The following MYO3A variants were observed in gnomAD, a reference collection of about 807,000 sequenced individuals.
MYO3A encodes myosin-IIIa.
MYO3A carries 180 observed loss-of-function variants against 192.7 expected under a neutral mutation model. The ratio of observed to expected loss-of-function variants is 0.93; its 90% CI spans 0.83 to 1.06. The LOEUF (loss-of-function observed/expected upper bound fraction) is 1.06, where lower values mean the gene tolerates loss of function less well. Ranked by LOEUF, MYO3A falls within the 50% of genes least tolerant of loss-of-function variation. The pLI is 0.00. For synonymous variants in MYO3A, 628 were observed against 645.3 expected (o/e 0.97, Z 0.41); for missense variants, 1,896 against 1,905.0 (o/e 1.00, Z 0.09).
rs183389603 is a variant in MYO3A, at chr10:26,078,517, C to A, written c.1359+8116C>A. Among the ~76,000 whole-genome samples, 1,314 of 151,844 alleles carry A rather than the reference C, an allele frequency of 8.7e-3. 42 individuals are homozygous for A. The highest frequency in any genetic ancestry group is 0.064 in the Admixed American group (970 of 15,260). On this transcript the variant is annotated intron_variant, in intron 14 of 34. Coordinates refer to ENST00000642920, the MANE Select transcript of MYO3A (RefSeq NM_017433.5). ...TTTGTTTCAATTTCATTTAGTTCTG[C>A]CCTGATCTTGGTTATTTCCTTTCTT...
intron 4 of MYO3A, among the ~76,000 whole-genome samples, chr10:25,963,673 C>T (rs1838081501): frequency 6.6e-6 from 1 of 152,128 alleles, no homozygotes; most frequent in Non-Finnish European, 1.5e-5. Flanking sequence ...TGATTCCTTT[C>T]ATGTTCTTAA....
intron 4 of MYO3A, among the ~76,000 whole-genome samples, chr10:25,972,656 A>G (rs936788581): frequency 1.8e-4 from 27 of 152,286 alleles, no homozygotes; most frequent in Admixed American, 1.5e-3. Context: ...TATTTTCCCC[A>G]TCTATGAAGC....
intron 32 of MYO3A, among the ~76,000 whole-genome samples, chr10:26,196,155 A>G (rs1299521275): frequency 6.6e-6 from 1 of 152,270 alleles, no homozygotes; most frequent in Non-Finnish European, 1.5e-5. Context: ...AATTAAATAG[A>G]ACAGCAGAAA....
At chr10:25,977,193 G>C (rs1839012938) in intron 4 of MYO3A, among the ~76,000 whole-genome samples, 1 of 152,176 alleles carries the variant, frequency 6.6e-6, no homozygotes, top group Admixed American at 6.5e-5. Context: ...GTGGTGTATT[G>C]ATATTTAGTT....
chr10:26,150,107 G>A (rs185908469), intron 23 of MYO3A, among the ~76,000 whole-genome samples: 5 of 152,052 alleles, frequency 3.3e-5, no homozygotes, highest in African/African-American at 1.2e-4. Context: ...CACCTGGGTT[G>A]ATCATATCTT....
chr10:26,105,579 T>C (rs1382724874), intron 17 of MYO3A, among the ~76,000 whole-genome samples: 1 of 152,136 alleles, frequency 6.6e-6, no homozygotes, highest in African/African-American at 2.4e-5. Context: ...TAAGGGCTCA[T>C]TGAATATTAT....
chr10:26,067,684 T>TG (rs2131375100), intron 11 of MYO3A, among the ~76,000 whole-genome samples: 1 of 151,768 alleles, frequency 6.6e-6, no homozygotes, highest in Admixed American at 6.6e-5. Flanking sequence ...TTTCAAACAT[T>TG]TTTGTGAAGG....
At chr10:26,116,861 A>G (rs1838538302) in intron 17 of MYO3A, among the ~76,000 whole-genome samples, 2 of 152,162 alleles carry the variant, frequency 1.3e-5, no homozygotes, top group Non-Finnish European at 2.9e-5. Flanking sequence ...CATTTGTAAC[A>G]ACCAAAAATG....
At chr10:25,964,981 C>A (rs1341005170) in intron 4 of MYO3A, among the ~76,000 whole-genome samples, 2 of 152,170 alleles carry the variant, frequency 1.3e-5, no homozygotes, top group African/African-American at 4.8e-5. Context: ...AAGTATTGAA[C>A]CTCATTGTAT....
chr10:26,149,379 C>T (rs911118384), intron 23 of MYO3A, among the ~76,000 whole-genome samples: 2 of 151,926 alleles, frequency 1.3e-5, no homozygotes, highest in Non-Finnish European at 2.9e-5. Context: ...GGATTACAGG[C>T]GTGCACCACC....
In MYO3A at chr10:26,157,343, G is replaced by A; in HGVS notation, c.2827G>A (p.Val943Met). 1 of 1,614,088 alleles carries A rather than the reference G, an allele frequency of 6.2e-7. No individual in the cohort carries two copies. Among genetic ancestry groups the A allele is most frequent in the Non-Finnish European group, 8.5e-7 (1 of 1,179,990 alleles). Residue 943 changes from valine to methionine, a missense_variant, in exon 26 of 35, where the codon GTG becomes ATG. Physicochemically the swap from Val to Met is conservative, Grantham distance 21 (BLOSUM62 1). Coordinates refer to ENST00000642920, the MANE Select transcript of MYO3A (RefSeq NM_017433.5). ...GATGGATTTGTTGTCTAAAATGGTGGTGGGCCAACCTCATTTTGTCCGTTG... is the reference window on the plus strand; with the variant it reads ...GATGGATTTGTTGTCTAAAATGGTGATGGGCCAACCTCATTTTGTCCGTTG... ...SLMDLLSKMV[V>M]GQPHFVRCIK...
chr10:26,009,973 C>T (rs187774281), intron 6 of MYO3A, among the ~76,000 whole-genome samples: 144 of 152,188 alleles, frequency 9.5e-4, no homozygotes, highest in African/African-American at 3.4e-3. Context: ...GAGAAGTATG[C>T]TGTATACTCT....
In MYO3A at chr10:26,070,141, A is replaced by G. The variant is rs79392471; in HGVS notation, c.1201A>G (p.Thr401Ala). 1 of 1,611,828 alleles carries G rather than the reference A, an allele frequency of 6.2e-7. No individual in the cohort carries two copies. The highest frequency in any genetic ancestry group is 1.1e-5 in the South Asian group (1 of 91,002). Residue 401 changes from threonine (T) to alanine (A), a missense_variant, in exon 13 of 35, where the codon ACT (threonine) becomes GCT (alanine). Coordinates refer to ENST00000642920, the MANE Select transcript of MYO3A (RefSeq NM_017433.5). The part of the protein sequence containing the change: ...HSKLYIGSKR[T>A]ASPPHIFAMA... Reference sequence around the variant, plus strand: ...CAAACTATATATTGGATCAAAGAGAACTGCCAGTCCTCCTCACATTTTTGC... The same window carrying G: ...CAAACTATATATTGGATCAAAGAGAGCTGCCAGTCCTCCTCACATTTTTGC...
At chr10:26,166,610 G>A (rs537359164) in intron 27 of MYO3A, among the ~76,000 whole-genome samples, 15 of 152,148 alleles carry the variant, frequency 9.9e-5, no homozygotes, top group African/African-American at 3.1e-4. Flanking sequence ...TATCAAAAAA[G>A]GATAAACCAT....
At chr10:26,014,872 C>T (rs576229690) in intron 6 of MYO3A, among the ~76,000 whole-genome samples, 1 of 152,088 alleles carries the variant, frequency 6.6e-6, no homozygotes, top group African/African-American at 2.4e-5. Flanking sequence ...AATTGAGTTC[C>T]CAGAAGTTGT....
rs144884617 is a variant in MYO3A at position 25,966,900 on chromosome 10, A to G, written c.303+11892A>G. Among the ~76,000 whole-genome samples the G allele has an allele frequency of 3.0e-4, 45 of 152,300 alleles. No homozygotes were observed. The East Asian group carries it at 8.3e-3, about 28-fold the overall frequency. ...CAAAACATATTTTTAAAAACACAAC[A>G]CTTTTTAAATATTGGAAAAGAGACT... On this transcript the variant is annotated intron_variant, in intron 4 of 34. Transcript: ENST00000642920.
At chr10:25,974,944 G>C (rs1199189957) in intron 4 of MYO3A, among the ~76,000 whole-genome samples, 1 of 152,164 alleles carries the variant, frequency 6.6e-6, no homozygotes, top group Non-Finnish European at 1.5e-5. Flanking sequence ...GGAAAAGAAA[G>C]CTTTATTTCT....
chr10:26,086,947 CTT>C (rs1315301382), intron 14 of MYO3A, among the ~76,000 whole-genome samples: 1 of 151,798 alleles, frequency 6.6e-6, no homozygotes, highest in East Asian at 1.9e-4. Context: ...AATCTAATCT[CTT>C]TGTCTTGTTT....
chr10:25,981,201 C>A (rs1839304867), intron 4 of MYO3A, among the ~76,000 whole-genome samples: 1 of 152,126 alleles, frequency 6.6e-6, no homozygotes, highest in Admixed American at 6.5e-5. Context: ...AGGGTTGTAT[C>A]TCCTGTTTCT....
Sources: gnomAD v4.1 joint callset for allele counts (sites outside exome capture counted in the v4.1 genomes callset) on GRCh38, gnomAD v4.1.1 for gene constraint, MANE v1.5 for transcripts, NCBI Gene and HGNC (gene_info 2026-07-23, HGNC 2026-07-21) for gene names.